The following SASH1 variants were observed in gnomAD, a reference collection of about 807,000 sequenced individuals.
SASH1 encodes SAM and SH3 domain containing 1.
SASH1 carries 44 observed loss-of-function variants against 125.2 expected under a neutral mutation model. That is an observed-to-expected ratio of 0.35 (90% CI 0.28 to 0.45). The LOEUF is 0.45. Ranked by LOEUF, SASH1 falls within the 20% of genes least tolerant of loss-of-function variation. The pLI, the probability that SASH1 is intolerant of heterozygous loss-of-function variation, is 1.00. For missense variants in SASH1, 1,426 were observed against 1,614.5 expected (o/e 0.88, Z 2.00); for synonymous variants, 639 against 649.1 (o/e 0.98, Z 0.24).
chr6:148,490,013 T>TAAAAAAAAAAAAAAAAAAACAAAAAAAA (rs1779034300), intron 8 of SASH1, among the ~76,000 whole-genome samples: 1 of 124,978 alleles, frequency 8.0e-6, no homozygotes, highest in Non-Finnish European at 1.6e-5. Flanking sequence ...ATCCTGTCTT[T>TAAAAAAAAAAAAAAAAAAACAAAAAAAA]AAAAAAAAAA....
At chr6:148,456,017 G>T (rs1777326019) in intron 4 of SASH1, among the ~76,000 whole-genome samples, 1 of 152,194 alleles carries the variant, frequency 6.6e-6, no homozygotes, top group Non-Finnish European at 1.5e-5. Context: ...GGTCCTCTGT[G>T]TCCAGGCTGC....
chr6:148,259,345 T>C, the SASH1 span, among the ~76,000 whole-genome samples: 1 of 152,346 alleles, frequency 6.6e-6, no homozygotes, highest in Non-Finnish European at 1.5e-5. Context: ...TCCCAAACTG[T>C]TCCCAGTTTG....
intron 1 of SASH1, among the ~76,000 whole-genome samples, chr6:148,349,985 A>G (rs1258531687): frequency 6.6e-6 from 1 of 152,022 alleles, no homozygotes; most frequent in African/African-American, 2.4e-5. Context: ...AGCTGGGACT[A>G]CAGGCGCCTG....
chr6:148,431,961 G>A (rs1022286754), intron 2 of SASH1, among the ~76,000 whole-genome samples: 3 of 148,880 alleles, frequency 2.0e-5, no homozygotes, highest in African/African-American at 7.5e-5. Context: ...ACTAGATAGT[G>A]TACAAAGTAA....
intron 12 of SASH1, among the ~76,000 whole-genome samples, chr6:148,527,988 TG>T (rs373045911): frequency 0.51 from 58,720 of 114,826 alleles, 13,115 homozygotes; most frequent in African/African-American, 0.59. Flanking sequence ...TTTTTTTTTT[TG>T]GGGGGGGGGG....
intron 7 of SASH1, among the ~76,000 whole-genome samples, chr6:148,487,084 CATAT>C (rs1232866026): frequency 8.1e-5 from 9 of 110,474 alleles, no homozygotes; most frequent in Admixed American, 1.9e-4. Flanking sequence ...ATATATAACA[CATAT>C]ATATACACAC....
chr6:148,452,778 A>G (rs1455408515), intron 4 of SASH1, among the ~76,000 whole-genome samples: 2 of 152,128 alleles, frequency 1.3e-5, no homozygotes, highest in Non-Finnish European at 2.9e-5. Context: ...TCTCAGGCTC[A>G]TTAGACGGTG....
intron 1 of SASH1, among the ~76,000 whole-genome samples, chr6:148,324,172 T>TG (rs1195839061): frequency 8.6e-6 from 1 of 116,538 alleles, no homozygotes. Context: ...GAATGGCAAA[T>TG]GGGAGGGCAG....
chr6:148,222,160 T>A, the SASH1 span, among the ~76,000 whole-genome samples: 1 of 152,172 alleles, frequency 6.6e-6, no homozygotes, highest in Non-Finnish European at 1.5e-5. Context: ...CAATATCAAA[T>A]GTATTCCCAT....
rs552489919 is a variant in SASH1, at chr6:148,284,049, A to G, written n.74+11672A>G. On this transcript the variant is annotated intron_variant and non_coding_transcript_variant, in intron 1 of 3. Coordinates refer to the SASH1 transcript ENST00000367469. Reference sequence around the variant, plus strand: ...ACATTATCCACTTCAGGCCAAGGATATAATCATTCCAATGACCACTATAGG... The same window carrying G: ...ACATTATCCACTTCAGGCCAAGGATGTAATCATTCCAATGACCACTATAGG... 1.8e-4 allele frequency among the ~76,000 whole-genome samples: 27 copies of G among 152,292 alleles called. No homozygotes were observed. The South Asian group carries it at 5.2e-3, about 29-fold the overall frequency.
At chr6:148,431,691 CG>C (rs1284229726) in intron 2 of SASH1, among the ~76,000 whole-genome samples, 2 of 151,424 alleles carry the variant, frequency 1.3e-5, no homozygotes, top group East Asian at 3.9e-4. Flanking sequence ...TCTAGTGGGA[CG>C]GCTGGTTCGT....
intron 7 of SASH1, among the ~76,000 whole-genome samples, chr6:148,477,004 A>G (rs955987965): frequency 1.3e-5 from 2 of 152,230 alleles, no homozygotes; most frequent in South Asian, 4.1e-4. Flanking sequence ...GGAAAATTGG[A>G]TATTCATAGG....
At position 148,549,705 on chromosome 6, in the gene SASH1, C is replaced by A; in HGVS notation, c.*1147C>A. 2.5e-6 allele frequency: 1 copy of A among 397,920 alleles called. No homozygotes were observed. Among genetic ancestry groups the A allele is most frequent in the Non-Finnish European group, 4.4e-6 (1 of 225,530 alleles). 24.6% of individuals were successfully genotyped at this position (397,920 alleles called of 1,614,324 possible). A position where few individuals can be genotyped will look rare whatever the true frequency, so the allele number is the denominator to read the frequency against. On this transcript the variant is annotated 3_prime_UTR_variant, in exon 20 of 20. Coordinates refer to ENST00000367467, the MANE Select transcript of SASH1 (RefSeq NM_015278.5). ...TCCTTCTTTTTTTATTTAGATAATTCTTTTAATTTAAACAAAGGTTCACTA... is the reference window on the plus strand; with the variant it reads ...TCCTTCTTTTTTTATTTAGATAATTATTTTAATTTAAACAAAGGTTCACTA...
chr6:148,344,691 A>T (rs983350273), intron 1 of SASH1, among the ~76,000 whole-genome samples: 15 of 151,802 alleles, frequency 9.9e-5, no homozygotes, highest in Admixed American at 3.9e-4. Flanking sequence ...GATGAATATG[A>T]TCCTTCACTG....
At chr6:148,513,203 A>G (rs773472991) in intron 8 of SASH1, 477 of 985,322 alleles carry the variant, frequency 4.8e-4, no homozygotes, top group Non-Finnish European at 5.6e-4. Context: ...TTGTATTCAG[A>G]GATGAGGCTT....
At chr6:148,453,625 G>A (rs1008681954) in intron 4 of SASH1, among the ~76,000 whole-genome samples, 1 of 152,138 alleles carries the variant, frequency 6.6e-6, no homozygotes, top group Admixed American at 6.5e-5. Context: ...GGTGCTCGGA[G>A]AGACCAGTGA....
At chr6:148,346,995 CT>C (rs1781544108) in intron 1 of SASH1, among the ~76,000 whole-genome samples, 1 of 152,246 alleles carries the variant, frequency 6.6e-6, no homozygotes, top group Admixed American at 6.5e-5. Flanking sequence ...GAATTTTACC[CT>C]TTTTTCTTTA....
rs184026923 is a variant in SASH1 at position 148,415,833 on chromosome 6, A to T, written c.286-24351A>T. Among the ~76,000 whole-genome samples the T allele has an allele frequency of 2.6e-4, 39 of 152,376 alleles. No homozygotes were observed. The East Asian group carries it at 6.7e-3, about 26-fold the overall frequency. ...CAAACCTCTTAGCCAAAGGCAGTCC[A>T]TTAAACCTACCCACTCATTCAGAGG... On this transcript the variant is annotated intron_variant, in intron 2 of 19. Coordinates refer to ENST00000367467, the MANE Select transcript of SASH1 (RefSeq NM_015278.5).
intron 1 of SASH1, among the ~76,000 whole-genome samples, chr6:148,312,384 T>G (rs1244843009): frequency 6.6e-6 from 1 of 152,198 alleles, no homozygotes; most frequent in Non-Finnish European, 1.5e-5. Flanking sequence ...GGCTCATGCC[T>G]GTAATCTCAG....
Sources: gnomAD v4.1 joint callset for allele counts (sites outside exome capture counted in the v4.1 genomes callset) on GRCh38, gnomAD v4.1.1 for gene constraint, MANE v1.5 for transcripts, NCBI Gene and HGNC (gene_info 2026-07-23, HGNC 2026-07-21) for gene names.